Variants in PLEKHM2 observed in about 807,000 individuals in gnomAD.
The protein encoded by PLEKHM2 is pleckstrin homology domain-containing family M member 2.
PLEKHM2 carries 77 observed loss-of-function variants against 116.3 expected under a neutral mutation model. The observed-to-expected ratio is 0.66, with a 90% CI of 0.55 to 0.80. The LOEUF (loss-of-function observed/expected upper bound fraction) is 0.80. PLEKHM2 is among the 30% of genes least tolerant of loss of function. PLEKHM2 has a pLI of 0.00. For missense variants in PLEKHM2, 1,183 were observed against 1,354.9 expected (o/e 0.87, Z 1.99); for synonymous variants, 562 against 571.0 (o/e 0.98, Z 0.22).
upstream of PLEKHM2, chr1:15,682,903 T>TCCC: frequency 1.3e-5 from 2 of 152,010 alleles, no homozygotes; most frequent in Non-Finnish European, 2.9e-5. Context: ...TTTGGGAACT[T>TCCC]AAGGAGGGAA....
In PLEKHM2 at chr1:15,727,841, ACT is replaced by A. The variant is rs767369089; in HGVS notation, c.1760+12_1760+13del. ...CATTCCTCGGAGTTCAGGTAACAAG[ACT>A]CTGCAGCTGGCATGGGACTCTCCCA... is the stretch of plus-strand genomic sequence containing the variant. On this transcript the variant is annotated intron_variant, in intron 9 of 19. Transcript: ENST00000375799. This position sits in a 1 kb window ranked among gnomAD's most constrained non-coding sequence, Gnocchi z 7.5. The A allele has an allele frequency of 2.1e-5, 33 of 1,544,630 alleles. No individual in the cohort carries two copies. The highest frequency in any genetic ancestry group is 4.1e-5 in the African/African-American group (3 of 73,326).
Position 15,734,093 on chromosome 1 carries a change from C to A in PLEKHM2, c.*159C>A. ...TGGCTTAAGACAGGGTCCCTCCACT[C>A]CAGGGATCCAGATCAGGTGCCCGGC... is the stretch of plus-strand genomic sequence containing the variant. On this transcript the variant is annotated 3_prime_UTR_variant, in exon 20 of 20. Transcript: ENST00000375799. 2 of 765,238 alleles carry A rather than the reference C, an allele frequency of 2.6e-6. No homozygotes were observed. Among genetic ancestry groups the A allele is most frequent in the South Asian group, 1.9e-5 (1 of 51,596 alleles). 47.4% of individuals were successfully genotyped at this position (765,238 alleles called of 1,614,324 possible).
chr1:15,700,593 T>TC (rs1332858492), intron 1 of PLEKHM2, among the ~76,000 whole-genome samples: 9 of 152,170 alleles, frequency 5.9e-5, no homozygotes, highest in Non-Finnish European at 1.2e-4. Flanking sequence ...TCTCCTTAAC[T>TC]CCAACTCCCT....
At position 15,684,449 on chromosome 1, in the gene PLEKHM2, C is replaced by T; in HGVS notation, c.-110C>T. On this transcript the variant is annotated 5_prime_UTR_variant, in exon 1 of 20. Coordinates refer to ENST00000375799, the MANE Select transcript of PLEKHM2 (RefSeq NM_015164.4). ...CCCGCGGCCGGCACGACGGAGCCCC[C>T]GTACGGCCGGCGGCAGCGGTTGGCG... 4 of 536,682 alleles carry T rather than the reference C, an allele frequency of 7.5e-6. No homozygotes were observed. The highest frequency in any genetic ancestry group is 1.5e-4 in the East Asian group (1 of 6,594). The allele number at this position is 536,682 out of a possible 1,614,324, so 33.2% of individuals were successfully genotyped here. A position where few individuals can be genotyped will look rare whatever the true frequency, so the allele number is the denominator to read the frequency against.
intron 1 of PLEKHM2, among the ~76,000 whole-genome samples, chr1:15,711,681 T>C (rs1641333999): frequency 6.6e-6 from 1 of 150,926 alleles, no homozygotes; most frequent in Non-Finnish European, 1.5e-5. Flanking sequence ...AATGGGAAAC[T>C]ATAAAGGAAA....
chr1:15,685,077 C>A lies in PLEKHM2; in HGVS notation c.60+459C>A, dbSNP rs187768801. 2.1e-3 allele frequency among the ~76,000 whole-genome samples: 315 copies of A among 152,348 alleles called. 3 individuals carry two copies. Among genetic ancestry groups the A allele is most frequent in the Non-Finnish European group, 9.6e-4 (65 of 68,026 alleles). On this transcript the variant is annotated intron_variant, in intron 1 of 19. Transcript: ENST00000375799. Reference sequence around the variant, plus strand: ...CACTTTCCCATGGCCTGGGTCCCGGCGACATTGCCTCTGCTCCTGGGAAGT... The same window carrying A: ...CACTTTCCCATGGCCTGGGTCCCGGAGACATTGCCTCTGCTCCTGGGAAGT...
At chr1:15,716,899 T>A in intron 3 of PLEKHM2, 83 bp downstream of exon 3, 1 of 1,520,474 alleles carries the variant, frequency 6.6e-7, no homozygotes, top group African/African-American at 1.4e-5. Flanking sequence ...AGGTTTACCC[T>A]CAGGGTCAGC....
chr1:15,689,038 CAGG>C (rs1229155550), intron 1 of PLEKHM2, among the ~76,000 whole-genome samples: 1 of 152,064 alleles, frequency 6.6e-6, no homozygotes, highest in African/African-American at 2.4e-5. Flanking sequence ...CACCTGAGGT[CAGG>C]AGATCGAGAC....
At chr1:15,695,976 CTA>C (rs1383295055) in intron 1 of PLEKHM2, among the ~76,000 whole-genome samples, 7 of 74,388 alleles carry the variant, frequency 9.4e-5, no homozygotes, top group East Asian at 9.0e-4. Context: ...CTAATTTTTT[CTA>C]TATTTTTTTT....
At position 15,716,244 on chromosome 1, in the gene PLEKHM2, G is replaced by A; in HGVS notation, c.68G>A (p.Ser23Asn). 1.9e-6 allele frequency: 3 copies of A among 1,576,264 alleles called. No homozygotes were observed. The highest frequency in any genetic ancestry group is 2.6e-6 in the Non-Finnish European group (3 of 1,156,118). ...NISLSVKKLQSYFAACEDEIP... is the reference protein window; with the variant it reads ...NISLSVKKLQNYFAACEDEIP... Reference sequence around the variant, plus strand: ...TGTTTTTTTTTCTTTCAGTTGCAGAGCTATTTTGCTGCATGTGAGGATGAG... The same window carrying A: ...TGTTTTTTTTTCTTTCAGTTGCAGAACTATTTTGCTGCATGTGAGGATGAG... Residue 23 changes from serine to asparagine, a missense_variant, in exon 2 of 20, where the codon AGC (serine) becomes AAC (asparagine). Physicochemically the swap from Ser to Asn is conservative, Grantham distance 46 (BLOSUM62 1). Transcript: ENST00000375799.
chr1:15,727,092 C>T lies in PLEKHM2; in HGVS notation c.1020C>T (p.Cys340=). 1 of 1,547,684 alleles carries T rather than the reference C, an allele frequency of 6.5e-7. No homozygotes were observed. Among genetic ancestry groups the T allele is most frequent in the South Asian group, 1.2e-5 (1 of 80,928 alleles). The change falls in exon 9 of 20, where the codon TGC becomes TGT. Residue 340 remains cysteine, a synonymous_variant. Transcript: ENST00000375799. This position sits in a 1 kb window ranked among gnomAD's most constrained non-coding sequence, Gnocchi z 7.5. ...DEEASPLHPA[C]SQKKCAKQGD... ...AGGCAAGTCCACTCCACCCCGCCTGCAGCCAGAAGAAATGTGCCAAGCAGG... is the reference window on the plus strand; with the variant it reads ...AGGCAAGTCCACTCCACCCCGCCTGTAGCCAGAAGAAATGTGCCAAGCAGG...
intron 1 of PLEKHM2, among the ~76,000 whole-genome samples, chr1:15,712,053 G>T (rs992238751): frequency 2.0e-5 from 3 of 151,108 alleles, no homozygotes; most frequent in African/African-American, 7.3e-5. Context: ...GGGAGGCAGA[G>T]GTTGCAGTGA....
chr1:15,682,085 C>T (rs1640655670), upstream of PLEKHM2, among the ~76,000 whole-genome samples: 1 of 152,026 alleles, frequency 6.6e-6, no homozygotes, highest in African/African-American at 2.4e-5. Context: ...GTACTCTCAG[C>T]TACTGGGGAG....
At chr1:15,701,583 A>G (rs1053987758) in intron 1 of PLEKHM2, among the ~76,000 whole-genome samples, 2 of 152,130 alleles carry the variant, frequency 1.3e-5, no homozygotes, top group Admixed American at 6.6e-5. Flanking sequence ...AGGTCAGGAG[A>G]TCGTGACCAT....
At chr1:15,688,581 T>C (rs1319405029) in intron 1 of PLEKHM2, among the ~76,000 whole-genome samples, 1 of 137,162 alleles carries the variant, frequency 7.3e-6, no homozygotes, top group Non-Finnish European at 1.5e-5. Flanking sequence ...ACCTGGGAGG[T>C]GGAGGTTGCA....
chr1:15,682,466 A>C (rs1640665506), upstream of PLEKHM2, among the ~76,000 whole-genome samples: 1 of 151,450 alleles, frequency 6.6e-6, no homozygotes, highest in Admixed American at 6.6e-5. Flanking sequence ...AAAAAAAAAA[A>C]ATTAGCTGGG....
chr1:15,686,081 A>C (rs1466967966), intron 1 of PLEKHM2, among the ~76,000 whole-genome samples: 1 of 152,244 alleles, frequency 6.6e-6, no homozygotes, highest in Non-Finnish European at 1.5e-5. Context: ...GAGAGGCAGT[A>C]GACATGGGGC....
At chr1:15,732,306 A>T (rs1163825966) in intron 17 of PLEKHM2, 44 bp from the exon 18 acceptor site, 3 of 1,483,576 alleles carry the variant, frequency 2.0e-6, no homozygotes, top group African/African-American at 1.4e-5. Flanking sequence ...GGTGCAGACC[A>T]GCCCTGGAGG....
At chr1:15,707,239 T>C (rs1374162978) in intron 1 of PLEKHM2, among the ~76,000 whole-genome samples, 2 of 144,648 alleles carry the variant, frequency 1.4e-5, no homozygotes, top group African/African-American at 2.6e-5. Context: ...CTAGACAACA[T>C]AGCAAAACTC....
Sources: allele counts gnomAD v4.1 joint callset (sites outside exome capture counted in the v4.1 genomes callset), GRCh38; gene constraint gnomAD v4.1.1; non-coding constraint Gnocchi (gnomAD v3.1); transcripts MANE v1.5; gene names NCBI Gene and HGNC (gene_info 2026-07-23, HGNC 2026-07-21).